The following EDARADD variants were observed in gnomAD, a reference collection of about 807,000 sequenced individuals.
The protein encoded by EDARADD is ectodysplasin-A receptor-associated adapter protein.
Under a neutral mutation model 25.6 loss-of-function variants are expected in EDARADD, and 20 were observed. The ratio of observed to expected loss-of-function variants is 0.78; its 90% CI spans 0.55 to 1.14. EDARADD has a LOEUF of 1.14. Among genes scored for constraint, EDARADD ranks in the 50% most tolerant of loss-of-function variants. The pLI is 0.00. For missense variants in EDARADD, 225 were observed against 270.1 expected (o/e 0.83, Z 1.17); for synonymous variants, 86 against 94.4 (o/e 0.91, Z 0.52).
chr1:236,461,768 A>G (rs1210585276), intron 4 of EDARADD, among the ~76,000 whole-genome samples: 1 of 152,216 alleles, frequency 6.6e-6, no homozygotes, highest in African/African-American at 2.4e-5. Flanking sequence ...CAGGTGAACC[A>G]GCCTGGGGCA....
intron 3 of EDARADD, among the ~76,000 whole-genome samples, chr1:236,376,722 TG>T (rs895724683): frequency 2.0e-5 from 3 of 152,192 alleles, no homozygotes; most frequent in Non-Finnish European, 4.4e-5. Context: ...ATTATTAATA[TG>T]GGGGGAAATA....
intron 3 of EDARADD, among the ~76,000 whole-genome samples, chr1:236,359,148 A>C (rs1667016561): frequency 6.6e-6 from 1 of 152,162 alleles, no homozygotes; most frequent in African/African-American, 2.4e-5. Flanking sequence ...TTTTTGTCCT[A>C]CTAGGATCCC....
intron 3 of EDARADD, among the ~76,000 whole-genome samples, chr1:236,365,162 T>TTCTC (rs1032913083): frequency 4.0e-5 from 6 of 150,386 alleles, no homozygotes; most frequent in African/African-American, 1.5e-4. Context: ...TTTTTTTTCT[T>TTCTC]TCTCTCTCTC....
In EDARADD at chr1:236,478,504, T is replaced by C. The variant is rs1258116488; in HGVS notation, c.266-3763T>C. ...TGTGTATATATGTATATATATATGATGGAATACTATTTAGCCATAAAAAGG... is the reference window on the plus strand; with the variant it reads ...TGTGTATATATGTATATATATATGACGGAATACTATTTAGCCATAAAAAGG... On this transcript the variant is annotated intron_variant, in intron 5 of 5. Transcript: ENST00000334232. 2.0e-5 allele frequency among the ~76,000 whole-genome samples: 3 copies of C among 151,520 alleles called. No individual in the cohort carries two copies. The East Asian group carries it at 5.8e-4, about 29-fold the overall frequency.
intron 3 of EDARADD, among the ~76,000 whole-genome samples, chr1:236,415,666 A>C (rs1239258264): frequency 1.3e-5 from 2 of 152,050 alleles, no homozygotes; most frequent in Non-Finnish European, 2.9e-5. Flanking sequence ...GCTGGTCTTG[A>C]ACTCCTGACC....
At chr1:236,371,763 G>T (rs1485078880) in intron 3 of EDARADD, among the ~76,000 whole-genome samples, 1 of 151,552 alleles carries the variant, frequency 6.6e-6, no homozygotes, top group African/African-American at 2.4e-5. Context: ...ATAGAGACGG[G>T]GTTTCTTCAT....
At position 236,447,178 on chromosome 1, in the gene EDARADD, TTCTTTC is replaced by T. The variant is rs1198218328; in HGVS notation, c.219+19730_219+19735del. Among the ~76,000 whole-genome samples, 302 of 79,300 alleles carry T rather than the reference TTCTTTC, an allele frequency of 3.8e-3. 2 individuals are homozygous for T. The highest frequency in any genetic ancestry group is 6.1e-3 in the East Asian group (18 of 2,958). 52.0% of individuals were successfully genotyped at this position (79,300 alleles called of 152,430 possible). On this transcript the variant is annotated intron_variant, in intron 4 of 5. Coordinates refer to ENST00000334232, the MANE Select transcript of EDARADD (RefSeq NM_145861.4). ...CCTCCCTCCCTCCCTCCCTCTTTCT[TTCTTTC>T]TTTCTTTCTTTCTTTCTTTCTTTCT...
chr1:236,351,761 T>C (rs1343272821), intron 3 of EDARADD, among the ~76,000 whole-genome samples: 2 of 151,602 alleles, frequency 1.3e-5, no homozygotes, highest in African/African-American at 2.4e-5. Flanking sequence ...GGGAGATTTA[T>C]TGCAGAGTGA....
chr1:236,418,979 C>T (rs77963662), intron 3 of EDARADD, among the ~76,000 whole-genome samples: 2,837 of 152,286 alleles, frequency 0.019, 44 homozygotes, highest in Non-Finnish European at 0.029. Flanking sequence ...ACCTGCCCTC[C>T]CCTCCCAGTC....
chr1:236,477,112 T>C, intron 5 of EDARADD, among the ~76,000 whole-genome samples: 1 of 151,778 alleles, frequency 6.6e-6, no homozygotes, highest in Middle Eastern at 3.4e-3. Context: ...GAATTAACCA[T>C]TGTTAATATT....
intron 5 of EDARADD, among the ~76,000 whole-genome samples, chr1:236,478,209 A>G (rs1469181005): frequency 6.6e-6 from 1 of 152,158 alleles, no homozygotes; most frequent in African/African-American, 2.4e-5. Flanking sequence ...TAGAAGGCTC[A>G]TGCTTTTGAC....
chr1:236,372,964 G>T (rs1667188603), intron 3 of EDARADD, among the ~76,000 whole-genome samples: 1 of 139,234 alleles, frequency 7.2e-6, no homozygotes, highest in African/African-American at 2.7e-5. Flanking sequence ...TACCCAGGCT[G>T]GAGTGCAGTG....
chr1:236,454,485 C>T (rs1182860021), intron 4 of EDARADD, among the ~76,000 whole-genome samples: 2 of 152,232 alleles, frequency 1.3e-5, no homozygotes, highest in African/African-American at 4.8e-5. Context: ...ACCAGGGCCC[C>T]ATCTATTGTG....
chr1:236,440,555 A>C (rs1658371577), intron 4 of EDARADD, among the ~76,000 whole-genome samples: 1 of 151,150 alleles, frequency 6.6e-6, no homozygotes, highest in South Asian at 2.1e-4. Flanking sequence ...GTGTTATGTT[A>C]TTGTATTTTG....
At chr1:236,403,726 T>C (rs1197304593) in intron 1 of EDARADD, among the ~76,000 whole-genome samples, 1 of 152,164 alleles carries the variant, frequency 6.6e-6, no homozygotes, top group Non-Finnish European at 1.5e-5. Context: ...GAGATTTAAG[T>C]TGGGGATTTA....
At chr1:236,462,245 T>G (rs1001267194) in intron 4 of EDARADD, among the ~76,000 whole-genome samples, 1 of 152,128 alleles carries the variant, frequency 6.6e-6, no homozygotes, top group African/African-American at 2.4e-5. Context: ...GTTTTTTTTG[T>G]TTTGGTTTGG....
At chr1:236,437,738 T>G (rs531134716) in intron 4 of EDARADD, among the ~76,000 whole-genome samples, 1 of 138,432 alleles carries the variant, frequency 7.2e-6, no homozygotes, top group South Asian at 2.3e-4. Flanking sequence ...CAGGGTTGGT[T>G]CCTTCTTTTT....
At chr1:236,385,089 CTTTTTT>C (rs34509027) in intron 3 of EDARADD, among the ~76,000 whole-genome samples, 2 of 121,988 alleles carry the variant, frequency 1.6e-5, no homozygotes, top group Non-Finnish European at 3.2e-5. Flanking sequence ...CCTTTTGATT[CTTTTTT>C]TTTTTTTTTT....
intron 4 of EDARADD, among the ~76,000 whole-genome samples, chr1:236,429,544 A>ATTTTT (rs34501977): frequency 0.012 from 1,708 of 144,526 alleles, 25 homozygotes; most frequent in Admixed American, 0.048. Flanking sequence ...TGACCCGCTA[A>ATTTTT]TTTTTTTTTT....
Sources: allele counts gnomAD v4.1 joint callset (sites outside exome capture counted in the v4.1 genomes callset), GRCh38; gene constraint gnomAD v4.1.1; transcripts MANE v1.5; gene names NCBI Gene and HGNC (gene_info 2026-07-23, HGNC 2026-07-21).